Variants in UBAP2 observed in about 807,000 individuals in gnomAD.
UBAP2 encodes ubiquitin associated protein 2.
In UBAP2, 75 loss-of-function variants were observed where a neutral mutation model predicts 139.6. The observed-to-expected ratio is 0.54, with a 90% confidence interval of 0.45 to 0.65. UBAP2 has a LOEUF of 0.65. UBAP2 is among the 30% of genes least tolerant of loss of function. UBAP2 has a pLI of 0.00. For synonymous variants in UBAP2, 526 were observed against 526.2 expected (o/e 1.00, Z 0.01); for missense variants, 1,368 against 1,369.6 (o/e 1.00, Z 0.02).
intron 17 of UBAP2, chr9:33,935,294 T>C (rs1183952336): frequency 1.3e-5 from 2 of 152,798 alleles, no homozygotes; most frequent in African/African-American, 4.8e-5. Context: ...ATTTTTGATT[T>C]AGAAGTAGTT....
intron 9 of UBAP2, among the ~76,000 whole-genome samples, chr9:33,963,437 G>A (rs910369238): frequency 6.6e-6 from 1 of 152,204 alleles, no homozygotes; most frequent in Non-Finnish European, 1.5e-5. Flanking sequence ...ATATATTGGA[G>A]ATGAATGTTT....
Position 33,953,423 on chromosome 9 carries a change from T to C in UBAP2, c.918A>G (p.Ser306=). 3 of 1,614,152 alleles carry C rather than the reference T, an allele frequency of 1.9e-6. No individual in the cohort carries two copies. Among genetic ancestry groups the C allele is most frequent in the Non-Finnish European group, 2.5e-6 (3 of 1,180,004 alleles). ...GGGAAGTTTCAAAGGAGTTGGCTTCTGAGGCTTGACTGTGAGGAACAGGCT... is the reference window on the plus strand; with the variant it reads ...GGGAAGTTTCAAAGGAGTTGGCTTCCGAGGCTTGACTGTGAGGAACAGGCT... ...LQKPVPHSQA[S]EANSFETSQQ... Residue 306 remains serine, a synonymous_variant, in exon 12 of 29, where the codon TCA becomes TCG. Coordinates refer to ENST00000379238, the MANE Select transcript of UBAP2 (RefSeq NM_001370062.2).
chr9:33,925,457 C>T (rs531384887), intron 22 of UBAP2, among the ~76,000 whole-genome samples: 1 of 152,288 alleles, frequency 6.6e-6, no homozygotes, highest in Admixed American at 6.5e-5. Flanking sequence ...AAAAGGTGGG[C>T]TCCAGAGGGT....
At chr9:33,986,664 A>G in intron 6 of UBAP2, 96 bp downstream of exon 6, 1 of 1,000,902 alleles carries the variant, frequency 1.0e-6, no homozygotes, top group Non-Finnish European at 1.6e-6. Context: ...CTATTCTTTC[A>G]GAACACACTG....
intron 17 of UBAP2, chr9:33,933,975 T>C (rs1564018639): frequency 9.8e-6 from 2 of 204,562 alleles, no homozygotes; most frequent in Non-Finnish European, 1.0e-5. Flanking sequence ...GAGCCTAATA[T>C]GTAGAATTAT....
intron 2 of UBAP2, chr9:34,011,508 A>AT (rs1047000529): frequency 6.1e-5 from 29 of 473,624 alleles, no homozygotes; most frequent in Middle Eastern, 4.8e-4. Context: ...AACTTTAAGT[A>AT]TTTTTTTTAA....
chr9:34,044,508 T>A (rs558587713), intron 1 of UBAP2, among the ~76,000 whole-genome samples: 1 of 151,528 alleles, frequency 6.6e-6, no homozygotes, highest in East Asian at 2.0e-4. Flanking sequence ...GAGGTTACAG[T>A]GAGCCAAGGC....
intron 10 of UBAP2, among the ~76,000 whole-genome samples, chr9:33,959,040 T>A (rs1021222045): frequency 6.6e-6 from 1 of 151,798 alleles, no homozygotes; most frequent in African/African-American, 2.4e-5. Context: ...TTCCAGCTAC[T>A]CAGGTGGCTG....
chr9:33,957,119 G>A (rs901873616), intron 10 of UBAP2, among the ~76,000 whole-genome samples: 16 of 151,832 alleles, frequency 1.1e-4, no homozygotes, highest in African/African-American at 3.9e-4. Context: ...TCATTAAGAA[G>A]TTTGTAAAGG....
At chr9:34,026,191 T>TA (rs1412598168) in intron 1 of UBAP2, among the ~76,000 whole-genome samples, 1 of 152,214 alleles carries the variant, frequency 6.6e-6, no homozygotes, top group Admixed American at 6.6e-5. Context: ...AACAGACATT[T>TA]AATAAAAGTT....
At chr9:33,963,485 T>C (rs1185546195) in intron 9 of UBAP2, among the ~76,000 whole-genome samples, 2 of 152,218 alleles carry the variant, frequency 1.3e-5, no homozygotes, top group Non-Finnish European at 2.9e-5. Context: ...CTCTAACGAA[T>C]GTATGTTAAG....
chr9:33,953,925 A>G (rs547017254), intron 11 of UBAP2, among the ~76,000 whole-genome samples: 1 of 149,888 alleles, frequency 6.7e-6, no homozygotes, highest in Non-Finnish European at 1.5e-5. Context: ...TTTTTTTTCT[A>G]AGACAGTGTC....
At chr9:34,020,610 G>A (rs552905517) in intron 1 of UBAP2, among the ~76,000 whole-genome samples, 1 of 151,598 alleles carries the variant, frequency 6.6e-6, no homozygotes, top group South Asian at 2.1e-4. Context: ...ACAGGCGTGT[G>A]CCACTGAGCC....
chr9:33,945,571 T>A (rs1825598087), intron 13 of UBAP2, among the ~76,000 whole-genome samples: 1 of 152,124 alleles, frequency 6.6e-6, no homozygotes, highest in Non-Finnish European at 1.5e-5. Context: ...TCCACACCAC[T>A]CTCCCATACT....
intron 7 of UBAP2, among the ~76,000 whole-genome samples, chr9:33,972,442 G>A (rs545439743): frequency 2.0e-5 from 3 of 152,198 alleles, no homozygotes; most frequent in Non-Finnish European, 4.4e-5. Flanking sequence ...CCTCAAAGGA[G>A]CTTAGGCAGA....
intron 8 of UBAP2, 122 bp downstream of exon 8, chr9:33,971,529 A>C: frequency 1.5e-6 from 1 of 668,932 alleles, no homozygotes; most frequent in Non-Finnish European, 2.7e-6. Context: ...CAGAGGTAGG[A>C]CAGTAGCCTG....
chr9:34,024,101 G>A (rs527971519), intron 1 of UBAP2, among the ~76,000 whole-genome samples: 32 of 152,260 alleles, frequency 2.1e-4, no homozygotes, highest in African/African-American at 6.0e-4. Context: ...GCACACGCCT[G>A]TAATCCCAGC....
Position 33,923,281 on chromosome 9 carries a change from A to C in UBAP2, c.2909T>G (p.Leu970Arg). 1.2e-6 allele frequency: 2 copies of C among 1,614,204 alleles called. No individual in the cohort carries two copies. Among genetic ancestry groups the C allele is most frequent in the Non-Finnish European group, 1.7e-6 (2 of 1,180,030 alleles). ...QHGYSTGYDD[L>R]TQGTAAGDYS... ...GTCTCCTGCTGCTGTCCCCTGGGTC[A>C]GGTCGTCATAACCTAGCGTGGCAGG... is the stretch of plus-strand genomic sequence containing the variant. The change falls in exon 26 of 29, where the codon CTG becomes CGG. Residue 970 changes from leucine (L) to arginine (R), a missense_variant. Coordinates refer to ENST00000379238, the MANE Select transcript of UBAP2 (RefSeq NM_001370062.2).
At chr9:34,030,145 T>C (rs1825765061) in intron 1 of UBAP2, among the ~76,000 whole-genome samples, 1 of 146,570 alleles carries the variant, frequency 6.8e-6, no homozygotes, top group Admixed American at 6.8e-5. Context: ...TATAAAAAAG[T>C]TTAAAAATCA....
Sources: allele counts gnomAD v4.1 joint callset (sites outside exome capture counted in the v4.1 genomes callset), GRCh38; gene constraint gnomAD v4.1.1; transcripts MANE v1.5; gene names NCBI Gene and HGNC (gene_info 2026-07-23, HGNC 2026-07-21).